The following LRRC9 variants were observed in gnomAD, a reference collection of about 807,000 sequenced individuals.
LRRC9 encodes the protein leucine-rich repeat-containing protein 9.
LRRC9 carries 122 observed loss-of-function variants against 63.2 expected under a neutral mutation model. That is an observed-to-expected ratio of 1.93 (90% confidence interval 1.67 to 2.24). LRRC9 has a LOEUF of 2.24. LRRC9 is among the 30% of genes most tolerant of loss of function. The pLI, the probability that LRRC9 is intolerant of heterozygous loss-of-function variation, is 0.00. For synonymous variants in LRRC9, 366 were observed against 213.1 expected (o/e 1.72, Z -6.25); for missense variants, 1,071 against 627.7 (o/e 1.71, Z -7.55).
chr14:59,960,896 T>G lies in LRRC9; in HGVS notation c.1080-18T>G, dbSNP rs1194037741. 7 of 632,716 alleles carry G rather than the reference T, an allele frequency of 1.1e-5. No homozygotes were observed. Among genetic ancestry groups the G allele is most frequent in the Non-Finnish European group, 1.1e-5 (4 of 352,244 alleles). The allele number at this position is 632,716 out of a possible 1,614,324, so 39.2% of individuals were successfully genotyped here. ...TTTAGATCATTCTAATAGCTGTATG[T>G]ATTTTTCTCTCCAATAGAATTGAAG... On this transcript the variant is annotated intron_variant, in intron 9 of 31. Transcript: ENST00000445360.
exon 32 of LRRC9, chr14:60,063,416 A>G (rs1894783614): frequency 1.4e-6 from 1 of 691,596 alleles, no homozygotes; most frequent in African/African-American, 1.8e-5. Context: ...TAGTAGTTGT[A>G]CAAAAACTAG....
chr14:59,980,622 G>T (rs1174318014), intron 15 of LRRC9, among the ~76,000 whole-genome samples: 1 of 152,058 alleles, frequency 6.6e-6, no homozygotes, highest in Non-Finnish European at 1.5e-5. Context: ...CTTGTTCTAG[G>T]AACATGATAA....
intron 15 of LRRC9, among the ~76,000 whole-genome samples, chr14:59,981,541 C>G (rs1451681603): frequency 1.3e-5 from 2 of 152,176 alleles, no homozygotes; most frequent in Admixed American, 6.5e-5. Context: ...ATTTACCTGT[C>G]AGTTCAGTCC....
rs1894552281 is a variant in LRRC9 at position 60,060,010 on chromosome 14, ACT to A, written c.4276+1993_4276+1994del. 6.6e-6 allele frequency among the ~76,000 whole-genome samples: 1 copy of A among 152,006 alleles called. No homozygotes were observed. Among genetic ancestry groups the A allele is most frequent in the African/African-American group, 2.4e-5 (1 of 41,366 alleles). ...CTTCAAAGCTTCAAAGGACAGTCTGACTCTCTTGTTAGGGGCTAGTGCAGCTG... is the reference window on the plus strand; with the variant it reads ...CTTCAAAGCTTCAAAGGACAGTCTGACTCTTGTTAGGGGCTAGTGCAGCTG... On this transcript the variant is annotated intron_variant, in intron 31 of 31. Transcript: ENST00000445360. The surrounding 1 kb of genome is among the most constrained non-coding windows in gnomAD (Gnocchi z 4.0).
intron 12 of LRRC9, among the ~76,000 whole-genome samples, chr14:59,970,457 T>C (rs1401892258): frequency 6.6e-6 from 1 of 152,198 alleles, no homozygotes; most frequent in East Asian, 1.9e-4. Context: ...AGAAATGGGA[T>C]TGCTGGGTCA....
At chr14:59,976,056 C>G (rs987406905) in intron 13 of LRRC9, among the ~76,000 whole-genome samples, 1 of 152,204 alleles carries the variant, frequency 6.6e-6, no homozygotes, top group Non-Finnish European at 1.5e-5. Context: ...TATTGTGAAC[C>G]GCACATGCGA....
rs1156414951 is a variant in LRRC9, at chr14:59,936,083, C to G, written c.544-2307C>G. 6.6e-6 allele frequency among the ~76,000 whole-genome samples: 1 copy of G among 152,094 alleles called. No individual in the cohort carries two copies. Among genetic ancestry groups the G allele is most frequent in the Non-Finnish European group, 1.5e-5 (1 of 67,998 alleles). ...GGAACATGAAGTTTTGGTGAAATAACAATGTAAAGTACCTAAATAGTGACC... is the reference window on the plus strand; with the variant it reads ...GGAACATGAAGTTTTGGTGAAATAAGAATGTAAAGTACCTAAATAGTGACC... On this transcript the variant is annotated intron_variant, in intron 6 of 31. Transcript: ENST00000445360. This position sits in a 1 kb window ranked among gnomAD's most constrained non-coding sequence, Gnocchi z 4.2.
At chr14:59,999,572 C>T (rs1030164756) in intron 19 of LRRC9, among the ~76,000 whole-genome samples, 5 of 152,018 alleles carry the variant, frequency 3.3e-5, no homozygotes, top group African/African-American at 1.2e-4. Context: ...CTTCAGAAAG[C>T]ATTAGTGAAT....
At position 60,060,355 on chromosome 14, in the gene LRRC9, A is replaced by C. The variant is rs930365333; in HGVS notation, c.4276+2333A>C. On this transcript the variant is annotated intron_variant, in intron 31 of 31. Transcript: ENST00000445360. This position sits in a 1 kb window ranked among gnomAD's most constrained non-coding sequence, Gnocchi z 4.0. Reference sequence around the variant, plus strand: ...ATGAATGTTGTTTTCATGCCTGCTAACACAACATCCATGCTGTGGCTGATG... The same window carrying C: ...ATGAATGTTGTTTTCATGCCTGCTACCACAACATCCATGCTGTGGCTGATG... 1.3e-5 allele frequency among the ~76,000 whole-genome samples: 2 copies of C among 152,208 alleles called. No homozygotes were observed. The highest frequency in any genetic ancestry group is 2.9e-5 in the Non-Finnish European group (2 of 68,030).
chr14:59,948,484 A>G (rs1313702037), intron 8 of LRRC9, among the ~76,000 whole-genome samples: 5 of 124,310 alleles, frequency 4.0e-5, no homozygotes, highest in Admixed American at 8.6e-5. Flanking sequence ...TCTTTTCCTA[A>G]TTGAATACCC....
At chr14:60,022,944 G>A (rs1004260439) in intron 27 of LRRC9, 74 bp downstream of exon 27, 17 of 433,934 alleles carry the variant, frequency 3.9e-5, no homozygotes, top group African/African-American at 2.6e-4. Flanking sequence ...GTTTTGATAA[G>A]CAAATATAAG....
chr14:59,979,424 C>T (rs999050271), intron 15 of LRRC9, among the ~76,000 whole-genome samples: 3 of 152,052 alleles, frequency 2.0e-5, no homozygotes, highest in Non-Finnish European at 4.4e-5. Context: ...CGAGACCATC[C>T]TGGCTAACCA....
chr14:60,051,473 CT>C lies in LRRC9; in HGVS notation c.3991-1591del. 6.6e-6 allele frequency among the ~76,000 whole-genome samples: 1 copy of C among 152,344 alleles called. No individual in the cohort carries two copies. The highest frequency in any genetic ancestry group is 1.5e-5 in the Non-Finnish European group (1 of 68,032). On this transcript the variant is annotated intron_variant, in intron 29 of 31. Coordinates refer to ENST00000445360, the Ensembl canonical transcript of LRRC9. This position sits in a 1 kb window ranked among gnomAD's most constrained non-coding sequence, Gnocchi z 4.7. ...TGACTTGACTGAACCACAGAAATGG[CT>C]GCCACCCTTTCCCCCAAGAACTGCT...
rs1893087541 is a variant in LRRC9, at chr14:60,042,974, T to C, written c.3991-10091T>C. On this transcript the variant is annotated intron_variant, in intron 29 of 31. Transcript: ENST00000445360. The surrounding 1 kb of genome is among the most constrained non-coding windows in gnomAD (Gnocchi z 4.2). Reference sequence around the variant, plus strand: ...TGTGTGTCTTTTTCTATTTCTTTCATCAGAGGTTTATAGTTTTCCTTGCAT... The same window carrying C: ...TGTGTGTCTTTTTCTATTTCTTTCACCAGAGGTTTATAGTTTTCCTTGCAT... Among the ~76,000 whole-genome samples the C allele has an allele frequency of 6.6e-6, 1 of 152,210 alleles. No individual in the cohort carries two copies. The highest frequency in any genetic ancestry group is 1.5e-5 in the Non-Finnish European group (1 of 68,042).
chr14:59,932,519 C>T lies in LRRC9; in HGVS notation c.543+480C>T, dbSNP rs940335759. Among the ~76,000 whole-genome samples, 17 of 152,226 alleles carry T rather than the reference C, an allele frequency of 1.1e-4. No individual in the cohort carries two copies. Among genetic ancestry groups the T allele is most frequent in the African/African-American group, 3.8e-4 (16 of 41,568 alleles). On this transcript the variant is annotated intron_variant, in intron 6 of 31. Transcript: ENST00000445360. The surrounding 1 kb of genome is among the most constrained non-coding windows in gnomAD (Gnocchi z 4.7). ...ATCTTAATGCAAACTAATTTTTCCTCTACCAGGCCTTCTCCTGCAGTCTTC... is the reference window on the plus strand; with the variant it reads ...ATCTTAATGCAAACTAATTTTTCCTTTACCAGGCCTTCTCCTGCAGTCTTC...
At position 59,958,408 on chromosome 14, in the gene LRRC9, A is replaced by G. The variant is rs1056018144; in HGVS notation, c.883-1410A>G. The stretch of plus-strand genomic sequence containing the variant: ...CTTTGCCACCGGGCCCAGACCTCCC[A>G]AACTCCTTAGCACTGTCAGGGAAAA... On this transcript the variant is annotated intron_variant, in intron 8 of 31. Transcript: ENST00000445360. The surrounding 1 kb of genome is among the most constrained non-coding windows in gnomAD (Gnocchi z 4.0). 6.6e-6 allele frequency among the ~76,000 whole-genome samples: 1 copy of G among 152,150 alleles called. No individual in the cohort carries two copies. The highest frequency in any genetic ancestry group is 1.5e-5 in the Non-Finnish European group (1 of 67,996).
chr14:59,993,318 AC>A (rs746724515), intron 17 of LRRC9, among the ~76,000 whole-genome samples: 2 of 152,216 alleles, frequency 1.3e-5, no homozygotes, highest in Non-Finnish European at 2.9e-5. Context: ...GAAGCACTAA[AC>A]ATGGAAAGGA....
intron 8 of LRRC9, among the ~76,000 whole-genome samples, chr14:59,952,294 C>T (rs932667474): frequency 3.3e-5 from 5 of 152,156 alleles, no homozygotes; most frequent in African/African-American, 9.7e-5. Flanking sequence ...TTCTTTGACT[C>T]GGAAAGGGAA....
rs1289675531 is a variant in LRRC9 at position 60,004,674 on chromosome 14, T to C, written c.2842+876T>C. ...ATGTCCTAGAATATATACTACTAAG[T>C]CAAGTATTTTCTGACTCCTCCCCAG... is the stretch of plus-strand genomic sequence containing the variant. On this transcript the variant is annotated intron_variant, in intron 21 of 31. Transcript: ENST00000445360. This position sits in a 1 kb window ranked among gnomAD's most constrained non-coding sequence, Gnocchi z 4.8. Among the ~76,000 whole-genome samples, 1 of 152,028 alleles carries C rather than the reference T, an allele frequency of 6.6e-6. No individual in the cohort carries two copies. Among genetic ancestry groups the C allele is most frequent in the Non-Finnish European group, 1.5e-5 (1 of 67,928 alleles).
Sources: gnomAD v4.1 joint callset for allele counts (sites outside exome capture counted in the v4.1 genomes callset) on GRCh38, gnomAD v4.1.1 for gene constraint, Gnocchi (gnomAD v3.1) non-coding constraint, MANE v1.5 for transcripts, NCBI Gene and HGNC (gene_info 2026-07-23, HGNC 2026-07-21) for gene names.